FRYL: variants seen among roughly 807,000 people sequenced by gnomAD.
FRYL encodes protein furry homolog-like.
FRYL carries 150 observed loss-of-function variants against 351.2 expected under a neutral mutation model. The observed-to-expected ratio is 0.43, with a 90% CI of 0.37 to 0.49. The LOEUF (loss-of-function observed/expected upper bound fraction) is 0.49. FRYL is among the 20% of genes least tolerant of loss of function. The pLI, the probability that FRYL is intolerant of heterozygous loss-of-function variation, is 0.00. For missense variants in FRYL, 3,036 were observed against 3,619.3 expected (o/e 0.84, Z 4.13); for synonymous variants, 1,153 against 1,257.1 (o/e 0.92, Z 1.75).
At chr4:48,667,838 G>A (rs1181273485) in intron 3 of FRYL, among the ~76,000 whole-genome samples, 1 of 152,150 alleles carries the variant, frequency 6.6e-6, no homozygotes, top group African/African-American at 2.4e-5. Flanking sequence ...AGTAGAGACA[G>A]GATTTCACCA....
intron 13 of FRYL, among the ~76,000 whole-genome samples, chr4:48,601,004 A>G (rs1472451640): frequency 2.0e-5 from 3 of 152,210 alleles, no homozygotes; most frequent in African/African-American, 4.8e-5. Context: ...CCGTATACCT[A>G]AGAAACTGAG....
chr4:48,639,740 A>C (rs1281387439), intron 3 of FRYL, among the ~76,000 whole-genome samples: 1 of 152,062 alleles, frequency 6.6e-6, no homozygotes, highest in Non-Finnish European at 1.5e-5. Flanking sequence ...AGATTGGGAG[A>C]AAAAAATTGC....
At chr4:48,603,480 T>G in intron 11 of FRYL, 92 bp from the exon 12 acceptor site, 1 of 830,540 alleles carries the variant, frequency 1.2e-6, no homozygotes, top group East Asian at 2.5e-5. Flanking sequence ...GGTTTGAAAT[T>G]GGTTAATAAT....
At chr4:48,591,840 T>C (rs1174012088) in intron 16 of FRYL, among the ~76,000 whole-genome samples, 2 of 152,052 alleles carry the variant, frequency 1.3e-5, no homozygotes, top group African/African-American at 4.8e-5. Flanking sequence ...ATCTCTTACT[T>C]GGATGCCTCT....
At chr4:48,651,075 G>A (rs1757527884) in intron 3 of FRYL, among the ~76,000 whole-genome samples, 1 of 152,074 alleles carries the variant, frequency 6.6e-6, no homozygotes. Flanking sequence ...CACTGACCCT[G>A]TAGTTCAATG....
At chr4:48,624,492 T>C (rs1751376147) in intron 4 of FRYL, among the ~76,000 whole-genome samples, 1 of 152,154 alleles carries the variant, frequency 6.6e-6, no homozygotes, top group Non-Finnish European at 1.5e-5. Flanking sequence ...TCTAGATCAC[T>C]GTCTAAAATT....
chr4:48,736,093 A>G (rs1220061561), intron 1 of FRYL, among the ~76,000 whole-genome samples: 1 of 152,116 alleles, frequency 6.6e-6, no homozygotes, highest in Non-Finnish European at 1.5e-5. Flanking sequence ...ATACTTGGAG[A>G]TTAAACAACA....
Position 48,510,866 on chromosome 4 carries a change from T to C in FRYL, c.8264A>G (p.Glu2755Gly), listed in dbSNP as rs763688821. The C allele has an allele frequency of 3.7e-6, 6 of 1,613,382 alleles. No individual in the cohort carries two copies. The highest frequency in any genetic ancestry group is 2.7e-5 in the African/African-American group (2 of 75,022). The stretch of plus-strand genomic sequence containing the variant: ...AGCATCCACAAAGACTGTTGGGCAT[T>C]CTGAACACAGCATCATCACTTCCAA... ...SSLEVMMLCS[E>G]CPTVFVDAET... The change falls in exon 58 of 64, where the codon GAA becomes GGA. Residue 2755 changes from glutamate (E) to glycine (G), a missense_variant. Physicochemically the swap from Glu to Gly is moderately conservative, Grantham distance 98. Around this residue, in one of 7 missense-constraint regions of FRYL, gnomAD observed 1,987 missense variants for 2,311.7 expected, o/e 0.86. Coordinates refer to ENST00000358350, the MANE Select transcript of FRYL (RefSeq NM_015030.2).
Position 48,605,728 on chromosome 4 carries a change from G to GA in FRYL, c.834+12dup. On this transcript the variant is annotated intron_variant, in intron 11 of 63. Coordinates refer to ENST00000358350, the MANE Select transcript of FRYL (RefSeq NM_015030.2). ...TAACACACAAATGGTATGAAAATAA[G>GA]AAAAATACTTACAGCAGCTACAGGG... The GA allele has an allele frequency of 2.0e-6, 3 of 1,537,482 alleles. No individual in the cohort carries two copies. The highest frequency in any genetic ancestry group is 2.7e-6 in the Non-Finnish European group (3 of 1,113,496).
chr4:48,675,310 C>T (rs1763421320), intron 3 of FRYL, among the ~76,000 whole-genome samples: 1 of 152,230 alleles, frequency 6.6e-6, no homozygotes, highest in Non-Finnish European at 1.5e-5. Flanking sequence ...AGGCTGGAGC[C>T]CACTCCCTCA....
intron 1 of FRYL, among the ~76,000 whole-genome samples, chr4:48,737,259 GAA>G (rs368219531): frequency 4.1e-5 from 4 of 97,680 alleles, no homozygotes; most frequent in Non-Finnish European, 2.0e-5. Context: ...CTCCATCACA[GAA>G]AAAAAAAAAA....
Position 48,544,839 on chromosome 4 carries a change from T to C in FRYL, c.5345A>G (p.Glu1782Gly), listed in dbSNP as rs1281191098. The change falls in exon 43 of 64, where the codon GAA becomes GGA. Residue 1782 changes from glutamate to glycine, a missense_variant. Coordinates refer to ENST00000358350, the MANE Select transcript of FRYL (RefSeq NM_015030.2). The stretch of plus-strand genomic sequence containing the variant: ...ATGTTTCAAAAATGTAGTTAACTGT[T>C]CAGCACTCTTTATGCTAGGATTCTT... ...SAKNPSIKSA[E>G]QLTTFLKHVV... 1.2e-6 allele frequency: 2 copies of C among 1,610,954 alleles called. No homozygotes were observed. Among genetic ancestry groups the C allele is most frequent in the African/African-American group, 1.3e-5 (1 of 74,736 alleles).
chr4:48,590,917 G>T, intron 16 of FRYL, 87 bp from the exon 17 acceptor site: 1 of 973,606 alleles, frequency 1.0e-6, no homozygotes, highest in Non-Finnish European at 1.5e-6. Context: ...AGTAACATCA[G>T]AGTTGGGGGG....
chr4:48,510,917 C>A lies in FRYL; in HGVS notation c.8213G>T (p.Arg2738Leu). The change falls in exon 58 of 64, where the codon CGC (arginine) becomes CTC (leucine). Residue 2738 changes from arginine to leucine, a missense_variant. By Grantham distance (102) the Arg-to-Leu change is moderately radical. This residue lies in a region of FRYL where 1,987 missense variants were observed against 2,311.7 expected (regional missense o/e 0.86). Coordinates refer to ENST00000358350, the MANE Select transcript of FRYL (RefSeq NM_015030.2). ...AVSFLGDSLQ[R>L]IGTKFKSSLE... ...GGAACTTTTAAATTTGGTACCAATG[C>A]GTTGCAGACTATCACCAAGAAAGCT... 1 of 1,611,748 alleles carries A rather than the reference C, an allele frequency of 6.2e-7. No individual in the cohort carries two copies.
chr4:48,515,215 T>G lies in FRYL; in HGVS notation c.7750A>C (p.Ile2584Leu), dbSNP rs146633085. 4 of 1,612,330 alleles carry G rather than the reference T, an allele frequency of 2.5e-6. No homozygotes were observed. The highest frequency in any genetic ancestry group is 3.4e-6 in the Non-Finnish European group (4 of 1,178,374). The change falls in exon 56 of 64, where the codon ATA becomes CTA. Residue 2584 changes from isoleucine (I) to leucine (L), a missense_variant. Coordinates refer to ENST00000358350, the MANE Select transcript of FRYL (RefSeq NM_015030.2). ...AGAGATTCCTGCTGTTCTTGAATTA[T>G]ATAGGATCCTTCATCTTCAAAGGTT... ...VTTFEDEGSY[I>L]IQEQQESLVC...
chr4:48,713,340 G>A lies in FRYL; in HGVS notation c.-383-2642C>T, dbSNP rs147947623. On this transcript the variant is annotated intron_variant, in intron 1 of 63. Coordinates refer to ENST00000358350, the MANE Select transcript of FRYL (RefSeq NM_015030.2). ...CACTGACTGGCAAATTGCATAAAGA[G>A]TCACGACCCATCAGTGTGCTGTATT... Among the ~76,000 whole-genome samples, 71 of 152,194 alleles carry A rather than the reference G, an allele frequency of 4.7e-4. 1 individual carries two copies. The East Asian group carries it at 0.012, about 27-fold the overall frequency.
At chr4:48,577,138 TG>T (rs1705974420) in intron 23 of FRYL, among the ~76,000 whole-genome samples, 2 of 152,216 alleles carry the variant, frequency 1.3e-5, no homozygotes, top group Admixed American at 1.3e-4. Flanking sequence ...TTTGAATATA[TG>T]GTTAATTATT....
rs757420903 is a variant in FRYL, at chr4:48,557,589, T to C, written c.3989A>G (p.His1330Arg). 5.6e-6 allele frequency: 9 copies of C among 1,614,100 alleles called. No homozygotes were observed. In the African/African-American group the frequency reaches 9.3e-5, roughly 17 times the overall value. Residue 1330 changes from histidine (H) to arginine (R), a missense_variant, in exon 34 of 64, where the codon CAT (histidine) becomes CGT (arginine). By Grantham distance (29) the His-to-Arg change is conservative. Transcript: ENST00000358350. ...TAAGGAATCATCTTCATCTTCATCA[T>C]GTCGCCTTGCTGTGGGGAGAGGTTT... ...DLKPLPTARR[H>R]DEDEDDSLKD...
chr4:48,531,296 T>A lies in FRYL; in HGVS notation c.6763A>T (p.Ser2255Cys). Residue 2255 changes from serine (S) to cysteine (C), a missense_variant, in exon 50 of 64, where the codon AGT becomes TGT. Ser to Cys is a moderately radical substitution (Grantham distance 112, BLOSUM62 -1). This residue lies in a region of FRYL where 1,987 missense variants were observed against 2,311.7 expected (regional missense o/e 0.86). Transcript: ENST00000358350. ...ILKLVVSRSA[S>C]LVVPSDIPKT... is the part of the protein sequence containing the mutation. ...GGGATATCACTGGGTACGACAAGAC[T>A]CGCAGAGCGTGACACCACCAGCTTT... 6.2e-7 allele frequency: 1 copy of A among 1,613,750 alleles called. No homozygotes were observed. The highest frequency in any genetic ancestry group is 1.3e-5 in the African/African-American group (1 of 75,006).
Sources: allele counts gnomAD v4.1 joint callset (sites outside exome capture counted in the v4.1 genomes callset), GRCh38; gene constraint gnomAD v4.1.1; regional missense constraint gnomAD v4.1.1; transcripts MANE v1.5; gene names NCBI Gene and HGNC (gene_info 2026-07-23, HGNC 2026-07-21).